Variants in SLC2A13 observed in about 807,000 individuals in gnomAD.
SLC2A13 encodes the protein proton myo-inositol cotransporter.
In SLC2A13, 32 loss-of-function variants were observed where a neutral mutation model predicts 64.4. The ratio of observed to expected loss-of-function variants is 0.50; its 90% CI spans 0.37 to 0.67. SLC2A13 has a LOEUF of 0.67. SLC2A13 is among the 30% of genes least tolerant of loss of function. The probability of loss-of-function intolerance (pLI) is 0.00; values close to 1 mark genes in which losing one functional copy is unlikely to be tolerated. For synonymous variants in SLC2A13, 338 were observed against 327.1 expected, an observed-to-expected ratio of 1.03 and a Z score of -0.36; for missense variants, 743 against 829.2, an observed-to-expected ratio of 0.90 and a Z score of 1.28.
At chr12:39,909,622 A>T (rs1375659153) in intron 4 of SLC2A13, among the ~76,000 whole-genome samples, 5 of 152,138 alleles carry the variant, frequency 3.3e-5, no homozygotes, top group Non-Finnish European at 5.9e-5. Flanking sequence ...ATTCTGAAAT[A>T]AGGTGAATGT....
At chr12:39,774,923 C>T (rs2135731230) in intron 7 of SLC2A13, among the ~76,000 whole-genome samples, 1 of 152,212 alleles carries the variant, frequency 6.6e-6, no homozygotes, top group Middle Eastern at 3.4e-3. Flanking sequence ...GGTGATGAGA[C>T]TATAGCAATA....
At chr12:39,855,442 T>TCA (rs1419949692) in intron 6 of SLC2A13, among the ~76,000 whole-genome samples, 2 of 152,210 alleles carry the variant, frequency 1.3e-5, no homozygotes, top group Non-Finnish European at 2.9e-5. Context: ...AAGCCTTCTG[T>TCA]CATGGCCCTG....
intron 3 of SLC2A13, among the ~76,000 whole-genome samples, chr12:39,971,621 C>A (rs1166522566): frequency 6.6e-6 from 1 of 152,042 alleles, no homozygotes; most frequent in Non-Finnish European, 1.5e-5. Flanking sequence ...CTGACACACT[C>A]TATAACAATC....
intron 4 of SLC2A13, among the ~76,000 whole-genome samples, chr12:39,891,220 A>G (rs1160008423): frequency 4.0e-5 from 6 of 150,122 alleles, no homozygotes; most frequent in South Asian, 2.1e-4. Flanking sequence ...ATTATTTCCA[A>G]CCTTCTGCTG....
chr12:39,942,612 A>G (rs760412562), intron 4 of SLC2A13, among the ~76,000 whole-genome samples: 1 of 152,194 alleles, frequency 6.6e-6, no homozygotes, highest in Non-Finnish European at 1.5e-5. Flanking sequence ...AGCTTTCTAG[A>G]GGAAAATTAT....
At chr12:39,810,004 T>A (rs1406169297) in intron 7 of SLC2A13, among the ~76,000 whole-genome samples, 2 of 152,202 alleles carry the variant, frequency 1.3e-5, no homozygotes, top group African/African-American at 4.8e-5. Flanking sequence ...TGATTTATAA[T>A]CCTTTGGGTA....
intron 2 of SLC2A13, among the ~76,000 whole-genome samples, chr12:40,033,490 T>C (rs1947934575): frequency 1.3e-5 from 2 of 152,190 alleles, no homozygotes; most frequent in South Asian, 4.1e-4. Flanking sequence ...CTGGGCTGGG[T>C]AACTGCAAGC....
At chr12:40,103,194 T>C (rs537782901) in intron 1 of SLC2A13, among the ~76,000 whole-genome samples, 1 of 152,296 alleles carries the variant, frequency 6.6e-6, no homozygotes, top group South Asian at 2.1e-4. Context: ...ATCTCCTGCT[T>C]TGTCCTCTAT....
At chr12:40,027,413 G>T (rs572262427) in intron 3 of SLC2A13, among the ~76,000 whole-genome samples, 40 of 152,314 alleles carry the variant, frequency 2.6e-4, no homozygotes, top group Admixed American at 7.2e-4. Context: ...GCTACAGGTA[G>T]GTAAAGTTAA....
At chr12:39,893,531 C>T (rs1944666584) in intron 4 of SLC2A13, among the ~76,000 whole-genome samples, 1 of 152,200 alleles carries the variant, frequency 6.6e-6, no homozygotes, top group Non-Finnish European at 1.5e-5. Flanking sequence ...AACTCCTGAC[C>T]TCAGGTGATC....
At chr12:40,098,133 A>G (rs1366514906) in intron 1 of SLC2A13, among the ~76,000 whole-genome samples, 1 of 151,932 alleles carries the variant, frequency 6.6e-6, no homozygotes. Context: ...ATAGGTGTGT[A>G]TATATATACA....
intron 4 of SLC2A13, among the ~76,000 whole-genome samples, chr12:39,898,225 A>T (rs1317873047): frequency 2.0e-5 from 3 of 152,134 alleles, no homozygotes. Context: ...AAGACTATAG[A>T]TACCTATTAT....
intron 3 of SLC2A13, among the ~76,000 whole-genome samples, chr12:40,012,421 T>C (rs1194732323): frequency 6.6e-6 from 1 of 152,214 alleles, no homozygotes; most frequent in Non-Finnish European, 1.5e-5. Flanking sequence ...TTTATTCTTG[T>C]CATTTGGCAA....
chr12:39,848,528 T>G (rs1306942368), intron 6 of SLC2A13, among the ~76,000 whole-genome samples: 2 of 152,142 alleles, frequency 1.3e-5, no homozygotes, highest in African/African-American at 4.8e-5. Flanking sequence ...AAATAACAGA[T>G]GCTGGTGAGG....
At chr12:39,846,051 C>G (rs1166388491) in intron 6 of SLC2A13, among the ~76,000 whole-genome samples, 1 of 152,108 alleles carries the variant, frequency 6.6e-6, no homozygotes, top group Non-Finnish European at 1.5e-5. Flanking sequence ...TGATTTTTCT[C>G]ATGTTCATCT....
chr12:40,022,849 A>C (rs1947743359), intron 3 of SLC2A13, among the ~76,000 whole-genome samples: 1 of 151,904 alleles, frequency 6.6e-6, no homozygotes, highest in Non-Finnish European at 1.5e-5. Context: ...AAAAAAAAAA[A>C]GTTTTAATAT....
At chr12:39,987,563 T>C (rs1565577825) in intron 3 of SLC2A13, among the ~76,000 whole-genome samples, 2 of 152,198 alleles carry the variant, frequency 1.3e-5, no homozygotes. Flanking sequence ...CAAACAGCTA[T>C]GAATTTAGTA....
At position 39,812,648 on chromosome 12, in the gene SLC2A13, T is replaced by C. The variant is rs534558470; in HGVS notation, c.1445+17455A>G. On this transcript the variant is annotated intron_variant, in intron 7 of 9. Transcript: ENST00000280871. The stretch of plus-strand genomic sequence containing the variant: ...CGGCTACGCCCGGCTGATTTGTATA[T>C]TTTTAGTAGAGATGAGGTTTCACCA... Among the ~76,000 whole-genome samples, 20 of 151,748 alleles carry C rather than the reference T, an allele frequency of 1.3e-4. 1 individual carries two copies. The East Asian group carries it at 2.1e-3, about 16-fold the overall frequency.
At chr12:39,891,926 A>G (rs1944619364) in intron 4 of SLC2A13, among the ~76,000 whole-genome samples, 1 of 152,222 alleles carries the variant, frequency 6.6e-6, no homozygotes, top group Non-Finnish European at 1.5e-5. Context: ...AATTATTGAT[A>G]CCATAGGAGG....
Sources: gnomAD v4.1 joint callset for allele counts (sites outside exome capture counted in the v4.1 genomes callset) on GRCh38, gnomAD v4.1.1 for gene constraint, MANE v1.5 for transcripts, NCBI Gene and HGNC (gene_info 2026-07-23, HGNC 2026-07-21) for gene names.